Variants in GOLT1B observed in about 807,000 individuals in gnomAD.
GOLT1B encodes the protein vesicle transport protein GOT1B.
GOLT1B carries 3 observed loss-of-function variants against 15.4 expected under a neutral mutation model. That is an observed-to-expected ratio of 0.19 (90% CI 0.09 to 0.50). GOLT1B has a LOEUF of 0.50. Among genes scored for constraint, GOLT1B ranks in the 20% least tolerant of loss-of-function variants. The pLI is 0.97. For synonymous variants in GOLT1B, 65 were observed against 56.2 expected (o/e 1.16, Z -0.70); for missense variants, 145 against 160.4 (o/e 0.90, Z 0.52).
chr12:21,515,214 G>A (rs772940024), intron 4 of GOLT1B: 8 of 1,311,254 alleles, frequency 6.1e-6, no homozygotes, highest in Middle Eastern at 3.6e-4. Flanking sequence ...TGAACTTAAT[G>A]GAGTTAAATC....
chr12:21,516,921 T>G lies in GOLT1B; in HGVS notation c.*1214T>G, dbSNP rs2110161. On this transcript the variant is annotated 3_prime_UTR_variant, in exon 5 of 5. Transcript: ENST00000229314. ...AGAACATGACACTAAAAAAAAAGTG[T>G]TTTTTTTCCACCGTTGCTGATTATT... is the stretch of plus-strand genomic sequence containing the variant. The G allele has an allele frequency of 0.91, 138,648 of 152,380 alleles. 63,171 individuals carry two copies. Among genetic ancestry groups the G allele is most frequent in the Non-Finnish European group, 0.93 (62,924 of 67,822 alleles). 9.4% of individuals were successfully genotyped at this position (152,380 alleles called of 1,614,324 possible).
rs1286480780 is a variant in GOLT1B at position 21,515,443 on chromosome 12, T to G, written c.379-226T>G. ...TGTTGCACCCTTAAATTCATATGTA[T>G]AACATGTCATGCAAAAAACAACTTT... On this transcript the variant is annotated intron_variant, in intron 4 of 4. Coordinates refer to ENST00000229314, the MANE Select transcript of GOLT1B (RefSeq NM_016072.5). Among the ~76,000 whole-genome samples the G allele has an allele frequency of 3.3e-5, 5 of 152,130 alleles. 1 individual carries two copies. In the South Asian group the frequency reaches 1.0e-3, roughly 31 times the overall value.
chr12:21,509,098 T>C (rs903589066), intron 3 of GOLT1B, among the ~76,000 whole-genome samples: 7 of 152,060 alleles, frequency 4.6e-5, no homozygotes, highest in African/African-American at 1.7e-4. Flanking sequence ...TGTGTATATA[T>C]CTATATGAAA....
At chr12:21,508,341 GT>G in intron 2 of GOLT1B, 41 bp from the exon 3 acceptor site, 1 of 1,233,152 alleles carries the variant, frequency 8.1e-7, no homozygotes, top group Non-Finnish European at 1.1e-6. Context: ...TATGCATTGT[GT>G]TTAATTACCT....
In GOLT1B at chr12:21,516,626, G is replaced by A. The variant is rs149581875; in HGVS notation, c.*919G>A. 8.5e-4 allele frequency: 129 copies of A among 151,450 alleles called. No individual in the cohort carries two copies. Among genetic ancestry groups the A allele is most frequent in the African/African-American group, 2.9e-3 (120 of 41,324 alleles). The allele number at this position is 151,450 out of a possible 1,614,324, so 9.4% of individuals were successfully genotyped here. On this transcript the variant is annotated 3_prime_UTR_variant, in exon 5 of 5. Transcript: ENST00000229314. The stretch of plus-strand genomic sequence containing the variant: ...TTTCTTTTTTTTAAATTTTAGCAGT[G>A]GCTTATTATTTGTTTTTCATAAATT...
intron 1 of GOLT1B, among the ~76,000 whole-genome samples, chr12:21,506,539 TTATGTCTGATGCGAGAGAGC>T (rs1477059888): frequency 6.6e-6 from 1 of 151,980 alleles, no homozygotes; most frequent in African/African-American, 2.4e-5. Flanking sequence ...ACCTATACAT[TTATGTCTGATGCGAGAGAGC>T]TTTTCAGGAG....
chr12:21,515,722 GA>G lies in GOLT1B; in HGVS notation c.*17del. The G allele has an allele frequency of 8.9e-7, 1 of 1,122,830 alleles. No homozygotes were observed. Among genetic ancestry groups the G allele is most frequent in the Non-Finnish European group, 1.3e-6 (1 of 747,766 alleles). 69.6% of individuals were successfully genotyped at this position (1,122,830 alleles called of 1,614,324 possible). ...ATATGGTATAACAACAAGTGAATTT[GA>G]AGACTCATTTAAAATATTGTGTTAT... is the stretch of plus-strand genomic sequence containing the variant. On this transcript the variant is annotated 3_prime_UTR_variant, in exon 5 of 5. Coordinates refer to ENST00000229314, the MANE Select transcript of GOLT1B (RefSeq NM_016072.5).
chr12:21,504,243 A>T (rs1485213653), intron 1 of GOLT1B, among the ~76,000 whole-genome samples: 4 of 152,078 alleles, frequency 2.6e-5, no homozygotes, highest in Non-Finnish European at 5.9e-5. Context: ...AAGGAAGATA[A>T]GTTTGTTTTA....
intron 3 of GOLT1B, among the ~76,000 whole-genome samples, chr12:21,511,354 A>G (rs1191688844): frequency 3.9e-5 from 2 of 51,550 alleles, no homozygotes; most frequent in African/African-American, 1.6e-4. Context: ...CCAACCCACC[A>G]TCCTCCAAGA....
intron 1 of GOLT1B, among the ~76,000 whole-genome samples, chr12:21,505,431 C>T (rs1401025956): frequency 6.6e-6 from 1 of 152,134 alleles, no homozygotes; most frequent in East Asian, 1.9e-4. Flanking sequence ...GGTAAATTCT[C>T]TTAAGGCCTT....
In GOLT1B at chr12:21,512,393, AT is replaced by A; in HGVS notation, c.378+21del. ...ATTAGATCAGTAAGTAATCATGTAT[AT>A]TTTAGGCCAACAAAATACGTATTTT... On this transcript the variant is annotated intron_variant, in intron 4 of 4. Transcript: ENST00000229314. The A allele has an allele frequency of 1.8e-6, 2 of 1,135,276 alleles. No homozygotes were observed. The highest frequency in any genetic ancestry group is 2.7e-6 in the Non-Finnish European group (2 of 750,992). The allele number at this position is 1,135,276 out of a possible 1,614,324, so 70.3% of individuals were successfully genotyped here. A position where few individuals can be genotyped will look rare whatever the true frequency, so the allele number is the denominator to read the frequency against.
At chr12:21,515,520 G>A in intron 4 of GOLT1B, 149 bp from the exon 5 acceptor site, 1 of 638,202 alleles carries the variant, frequency 1.6e-6, no homozygotes, top group Non-Finnish European at 2.7e-6. Context: ...ATGGTGAGTA[G>A]TACTGGATTA....
intron 4 of GOLT1B, 83 bp from the exon 5 acceptor site, chr12:21,515,586 T>TA (rs1943749949): frequency 2.6e-6 from 2 of 775,198 alleles, no homozygotes; most frequent in African/African-American, 1.8e-5. Flanking sequence ...GCTGGGTTTT[T>TA]AAAATCAACA....
At chr12:21,508,340 T>A (rs1943694064) in intron 2 of GOLT1B, 43 bp from the exon 3 acceptor site, 1 of 1,182,262 alleles carries the variant, frequency 8.5e-7, no homozygotes, top group Non-Finnish European at 1.2e-6. Flanking sequence ...TTATGCATTG[T>A]GTTTAATTAC....
chr12:21,515,324 GT>G (rs199678829), intron 4 of GOLT1B: 22,080 of 844,046 alleles, frequency 0.026, 609 homozygotes, highest in African/African-American at 0.1. Context: ...TGACATTTCA[GT>G]TTTTTTTATG....
At chr12:21,502,193 A>C (rs1244848299) in intron 1 of GOLT1B, among the ~76,000 whole-genome samples, 1 of 151,888 alleles carries the variant, frequency 6.6e-6, no homozygotes, top group Non-Finnish European at 1.5e-5. Context: ...TTGGGAGGGG[A>C]GCTTTAGCCC....
intron 2 of GOLT1B, chr12:21,507,261 ATGACT>A (rs1447972063): frequency 3.5e-6 from 1 of 289,486 alleles, no homozygotes; most frequent in African/African-American, 2.2e-5. Context: ...TTCAAAATAG[ATGACT>A]TGATAGTTTC....
chr12:21,503,278 A>G (rs1437703221), intron 1 of GOLT1B, among the ~76,000 whole-genome samples: 1 of 152,234 alleles, frequency 6.6e-6, no homozygotes, highest in Non-Finnish European at 1.5e-5. Context: ...AGAGCCCTGT[A>G]AGGCTCACAG....
At chr12:21,508,357 C>T (rs749668605) in intron 2 of GOLT1B, 26 bp from the exon 3 acceptor site, 7 of 1,392,896 alleles carry the variant, frequency 5.0e-6, no homozygotes, top group South Asian at 3.9e-5. Flanking sequence ...TTACCTTTTC[C>T]GTGTTGTATT....
Sources: allele counts gnomAD v4.1 joint callset (sites outside exome capture counted in the v4.1 genomes callset), GRCh38; gene constraint gnomAD v4.1.1; transcripts MANE v1.5; gene names NCBI Gene and HGNC (gene_info 2026-07-23, HGNC 2026-07-21).